BRD9: variants seen among roughly 807,000 people sequenced by gnomAD.
BRD9 encodes the protein bromodomain-containing protein 9.
BRD9 carries 47 observed loss-of-function variants against 68.7 expected under a neutral mutation model. The observed-to-expected ratio is 0.68, with a 90% CI of 0.54 to 0.87. BRD9 has a LOEUF of 0.87. Among genes scored for constraint, BRD9 ranks in the 40% least tolerant of loss-of-function variants. The probability of loss-of-function intolerance (pLI) is 0.00; values close to 1 mark genes in which losing one functional copy is unlikely to be tolerated. For synonymous variants in BRD9, 313 were observed against 293.9 expected, an observed-to-expected ratio of 1.06 and a Z score of -0.67; for missense variants, 670 against 748.4, an observed-to-expected ratio of 0.90 and a Z score of 1.22.
chr5:885,419 C>T (rs1322840855), intron 7 of BRD9, among the ~76,000 whole-genome samples: 2 of 152,224 alleles, frequency 1.3e-5, no homozygotes, highest in Non-Finnish European at 2.9e-5. Context: ...AGCCCAGCAC[C>T]GCTGCCGCCC....
rs115031456 is a variant in BRD9, at chr5:874,610, C to A, written c.1383+1491G>T. 5.4e-3 allele frequency among the ~76,000 whole-genome samples: 823 copies of A among 152,324 alleles called. 7 individuals are homozygous for A. The highest frequency in any genetic ancestry group is 0.019 in the African/African-American group (783 of 41,576). On this transcript the variant is annotated intron_variant, in intron 12 of 15. Transcript: ENST00000467963. ...ACAGAACCGGAAACGGCAGAGGCGA[C>A]AGACTCAGTGACTGAGGACTTCAAA...
chr5:884,135 C>A (rs1560920101), intron 7 of BRD9, 65 bp from the exon 8 acceptor site: 2 of 1,581,096 alleles, frequency 1.3e-6, no homozygotes, highest in East Asian at 2.3e-5. Context: ...GCTCCCCATG[C>A]GTCGGCACCT....
chr5:864,065 C>T lies in BRD9; in HGVS notation c.*403G>A, dbSNP rs115308648. 0.035 allele frequency: 5,749 copies of T among 162,572 alleles called. 331 individuals are homozygous for T. Among genetic ancestry groups the T allele is most frequent in the African/African-American group, 0.13 (5,252 of 41,678 alleles). 10.1% of individuals were successfully genotyped at this position (162,572 alleles called of 1,614,324 possible). ...AAGGGCTGGAGCCACACGTGATGCTCGGACACAAACGGCACGCAGCTCTGC... is the reference window on the plus strand; with the variant it reads ...AAGGGCTGGAGCCACACGTGATGCTTGGACACAAACGGCACGCAGCTCTGC... On this transcript the variant is annotated 3_prime_UTR_variant, in exon 16 of 16. Coordinates refer to ENST00000467963, the MANE Select transcript of BRD9 (RefSeq NM_023924.5).
rs1748996045 is a variant in BRD9 at position 864,146 on chromosome 5, T to C, written c.*322A>G. ...CCACTCCTCAGGGTTCACGGGGCTG[T>C]GTACAGAGACTCTCTCTGCTGACAC... On this transcript the variant is annotated 3_prime_UTR_variant, in exon 16 of 16. Coordinates refer to ENST00000467963, the MANE Select transcript of BRD9 (RefSeq NM_023924.5). 5.0e-6 allele frequency: 1 copy of C among 201,160 alleles called. No homozygotes were observed. Among genetic ancestry groups the C allele is most frequent in the South Asian group, 8.4e-5 (1 of 11,898 alleles). 12.5% of individuals were successfully genotyped at this position (201,160 alleles called of 1,614,324 possible).
At chr5:885,507 C>G in intron 7 of BRD9, among the ~76,000 whole-genome samples, 1 of 152,232 alleles carries the variant, frequency 6.6e-6, no homozygotes, top group East Asian at 1.9e-4. Context: ...ATCACAATTG[C>G]CTCAAGGACG....
chr5:892,273 G>T, intron 1 of BRD9: 1 of 483,396 alleles, frequency 2.1e-6, no homozygotes, highest in Non-Finnish European at 3.5e-6. Context: ...CAAGGGAGAG[G>T]GAGGGAAAGG....
chr5:877,990 C>A (rs910162289), intron 11 of BRD9, among the ~76,000 whole-genome samples: 2 of 152,214 alleles, frequency 1.3e-5, no homozygotes, highest in Non-Finnish European at 2.9e-5. Context: ...CCTGCCCACA[C>A]CTTCATGGCA....
chr5:870,649 T>C (rs557737129), intron 13 of BRD9, 74 bp from the exon 14 acceptor site: 6 of 1,038,784 alleles, frequency 5.8e-6, no homozygotes, highest in Non-Finnish European at 7.4e-6. Flanking sequence ...ACACTCGCTA[T>C]TGAAATCACT....
chr5:874,608 G>A (rs966203484), intron 12 of BRD9, among the ~76,000 whole-genome samples: 1 of 152,182 alleles, frequency 6.6e-6, no homozygotes, highest in East Asian at 1.9e-4. Context: ...CGGCAGAGGC[G>A]ACAGACTCAG....
rs1751738660 is a variant in BRD9 at position 881,417 on chromosome 5, AGCTGAAAC to A, written c.967-243_967-236del. The A allele has an allele frequency of 4.9e-5, 28 of 575,308 alleles. No individual in the cohort carries two copies. In the East Asian group the frequency reaches 8.1e-4, roughly 17 times the overall value. The allele number at this position is 575,308 out of a possible 1,614,324, so 35.6% of individuals were successfully genotyped here. On this transcript the variant is annotated intron_variant, in intron 8 of 15. Transcript: ENST00000467963. ...CCCATGGCCCTGCTATAGGGGGTAC[AGCTGAAAC>A]AAAAACCTTCACCCACGAGTAAACA...
intron 3 of BRD9, chr5:890,134 C>A: frequency 7.3e-6 from 2 of 274,442 alleles, no homozygotes; most frequent in Non-Finnish European, 1.4e-5. Flanking sequence ...GTTATCTGAG[C>A]CCAGGAGTGA....
intron 5 of BRD9, among the ~76,000 whole-genome samples, chr5:887,684 T>C (rs752401539): frequency 3.6e-4 from 55 of 152,332 alleles, no homozygotes; most frequent in Non-Finnish European, 6.9e-4. Context: ...CAGCAAACAG[T>C]TGGCCAAGCC....
chr5:888,622 AACTT>A (rs1428008479), intron 5 of BRD9, among the ~76,000 whole-genome samples: 1 of 152,254 alleles, frequency 6.6e-6, no homozygotes, highest in Non-Finnish European at 1.5e-5. Flanking sequence ...GAGACAGAAA[AACTT>A]ACTATGCTAA....
At chr5:870,676 C>T (rs1226856747) in intron 13 of BRD9, 101 bp from the exon 14 acceptor site, 21 of 802,974 alleles carry the variant, frequency 2.6e-5, no homozygotes, top group Non-Finnish European at 2.9e-5. Flanking sequence ...ATTTGCTAAA[C>T]GTGAACCCAC....
chr5:874,361 T>G (rs1406510770), intron 12 of BRD9, among the ~76,000 whole-genome samples: 1 of 152,266 alleles, frequency 6.6e-6, no homozygotes, highest in East Asian at 1.9e-4. Flanking sequence ...TTCCAACATG[T>G]GGGCCATAAG....
In BRD9 at chr5:869,382, T is replaced by C. The variant is rs900483589; in HGVS notation, c.1525+1091A>G. ...CCGACTTTAGTACAGCATCACGTGA[T>C]AGATGGCAGGCCCTGAAAGAAACTG... On this transcript the variant is annotated intron_variant, in intron 14 of 15. Coordinates refer to ENST00000467963, the MANE Select transcript of BRD9 (RefSeq NM_023924.5). The C allele has an allele frequency of 1.3e-5, 6 of 455,796 alleles. 1 individual carries two copies. Among genetic ancestry groups the C allele is most frequent in the East Asian group, 7.0e-5 (1 of 14,384 alleles). 28.2% of individuals were successfully genotyped at this position (455,796 alleles called of 1,614,324 possible). A position where few individuals can be genotyped will look rare whatever the true frequency, so the allele number is the denominator to read the frequency against.
rs147994129 is a variant in BRD9, at chr5:891,015, G to A, written c.400+140C>T. On this transcript the variant is annotated intron_variant, in intron 3 of 15. Coordinates refer to ENST00000467963, the MANE Select transcript of BRD9 (RefSeq NM_023924.5). ...CACCGGAGGAAACCTCAGGCCAGAG[G>A]ACACCTGGGATGAGGCCCTGGAAAT... is the stretch of plus-strand genomic sequence containing the variant. 533 of 1,105,632 alleles carry A rather than the reference G, an allele frequency of 4.8e-4. 2 individuals carry two copies. In the African/African-American group the frequency reaches 7.8e-3, roughly 16 times the overall value. 68.5% of individuals were successfully genotyped at this position (1,105,632 alleles called of 1,614,324 possible).
At chr5:869,502 T>C in intron 14 of BRD9, 1 of 373,288 alleles carries the variant, frequency 2.7e-6, no homozygotes, top group Non-Finnish European at 5.2e-6. Context: ...GTAGAGAATC[T>C]CCTGCCCCTT....
At chr5:884,612 C>T (rs1213581138) in intron 7 of BRD9, among the ~76,000 whole-genome samples, 1 of 152,272 alleles carries the variant, frequency 6.6e-6, no homozygotes, top group Non-Finnish European at 1.5e-5. Context: ...CTGAGGGGCA[C>T]AGGCTGTAGC....
Sources: gnomAD v4.1 joint callset for allele counts (sites outside exome capture counted in the v4.1 genomes callset) on GRCh38, gnomAD v4.1.1 for gene constraint, MANE v1.5 for transcripts, NCBI Gene and HGNC (gene_info 2026-07-23, HGNC 2026-07-21) for gene names.